The following DOCK4 variants were observed in gnomAD, a reference collection of about 807,000 sequenced individuals.
The protein encoded by DOCK4 is dedicator of cytokinesis 4.
In DOCK4, 97 loss-of-function variants were observed where a neutral mutation model predicts 268.1. The observed-to-expected ratio is 0.36, with a 90% CI of 0.31 to 0.43. DOCK4 has a LOEUF of 0.43. DOCK4 is among the 20% of genes least tolerant of loss of function. The probability of loss-of-function intolerance (pLI) is 1.00; values close to 1 mark genes in which losing one functional copy is unlikely to be tolerated. For missense variants in DOCK4, 2,145 were observed against 2,455.7 expected (o/e 0.87, Z 2.67); for synonymous variants, 954 against 887.2 (o/e 1.08, Z -1.34).
intron 6 of DOCK4, among the ~76,000 whole-genome samples, chr7:111,985,843 A>G (rs992148591): frequency 3.9e-5 from 6 of 152,188 alleles, no homozygotes; most frequent in Non-Finnish European, 8.8e-5. Context: ...TCTGTTTTCC[A>G]TTCTCCATTC....
intron 1 of DOCK4, among the ~76,000 whole-genome samples, chr7:112,166,099 C>T (rs1817589489): frequency 6.6e-6 from 1 of 152,142 alleles, no homozygotes; most frequent in Non-Finnish European, 1.5e-5. Flanking sequence ...AATGCCATAT[C>T]TATAAGAGGC....
chr7:112,059,438 C>A (rs1385134556), intron 1 of DOCK4, among the ~76,000 whole-genome samples: 1 of 152,042 alleles, frequency 6.6e-6, no homozygotes, highest in Non-Finnish European at 1.5e-5. Flanking sequence ...CACCACCCCA[C>A]CCGCGTTTCC....
intron 1 of DOCK4, among the ~76,000 whole-genome samples, chr7:112,131,977 A>G (rs1813850092): frequency 6.6e-6 from 1 of 152,200 alleles, no homozygotes; most frequent in Non-Finnish European, 1.5e-5. Flanking sequence ...GAAAAAAGGG[A>G]TCCCTTCATA....
Position 111,834,628 on chromosome 7 carries a change from T to A in DOCK4, c.2795A>T (p.Gln932Leu). ...TGTATTAAAACTATCAAGAAGCTGT[T>A]GATAATGTCTATCTGTCATTTGTCG... ...LLRQMTDRHY[Q>L]QLLDSFNTKE... Residue 932 changes from glutamine (Q) to leucine (L), a missense_variant, in exon 26 of 53, where the codon CAA (glutamine) becomes CTA (leucine). Gln to Leu is a moderately radical substitution (Grantham distance 113). Around this residue, in one of 2 missense-constraint regions of DOCK4, gnomAD observed 1,598 missense variants for 1,986.7 expected, o/e 0.80. Transcript: ENST00000428084. 3 of 1,559,860 alleles carry A rather than the reference T, an allele frequency of 1.9e-6. No individual in the cohort carries two copies. Among genetic ancestry groups the A allele is most frequent in the Non-Finnish European group, 2.6e-6 (3 of 1,151,050 alleles).
At chr7:111,748,232 A>G (rs920020647) in intron 42 of DOCK4, among the ~76,000 whole-genome samples, 2 of 152,200 alleles carry the variant, frequency 1.3e-5, no homozygotes, top group African/African-American at 4.8e-5. Flanking sequence ...AAGGAAACAA[A>G]TTAGAGTTTT....
At chr7:111,905,431 A>C (rs183199499) in intron 13 of DOCK4, among the ~76,000 whole-genome samples, 23 of 152,302 alleles carry the variant, frequency 1.5e-4, no homozygotes, top group Middle Eastern at 3.4e-3. Context: ...CTTTCAAAAT[A>C]CTACTGTAGA....
At position 111,998,436 on chromosome 7, in the gene DOCK4, C is replaced by T. The variant is rs1274192027; in HGVS notation, c.218+12G>A. ...GAAAATCCTCCAACTACTAATAAAA[C>T]TCATTTCTTACCCTTTGTTCTTTAC... On this transcript the variant is annotated intron_variant, in intron 4 of 52. Coordinates refer to ENST00000428084, the MANE Select transcript of DOCK4 (RefSeq NM_001363540.2). 5 of 1,559,376 alleles carry T rather than the reference C, an allele frequency of 3.2e-6. No homozygotes were observed. The highest frequency in any genetic ancestry group is 1.7e-4 in the Middle Eastern group (1 of 5,924).
intron 8 of DOCK4, among the ~76,000 whole-genome samples, chr7:111,975,043 G>GA (rs1798061153): frequency 1.3e-5 from 2 of 152,186 alleles, no homozygotes; most frequent in South Asian, 4.1e-4. Flanking sequence ...AAGGCGGGGG[G>GA]ATCACTTGAG....
At chr7:112,189,717 TTCTTGTTTTTATTC>T (rs1418504270) in intron 1 of DOCK4, among the ~76,000 whole-genome samples, 2 of 151,576 alleles carry the variant, frequency 1.3e-5, no homozygotes, top group Non-Finnish European at 2.9e-5. Flanking sequence ...CAGCCTAGCC[TTCTTGTTTTTATTC>T]TCTGTCTGGG....
At chr7:111,850,596 T>A (rs1053920961) in intron 23 of DOCK4, among the ~76,000 whole-genome samples, 13 of 152,208 alleles carry the variant, frequency 8.5e-5, no homozygotes, top group South Asian at 4.2e-4. Flanking sequence ...GTGAAATTAG[T>A]CAGTTCCTGC....
chr7:111,928,586 C>CT (rs200976875), intron 12 of DOCK4, among the ~76,000 whole-genome samples: 1,493 of 129,496 alleles, frequency 0.012, 23 homozygotes, highest in African/African-American at 0.032. Context: ...TTTTCTTTTT[C>CT]TTTTTTTTTT....
At chr7:112,173,754 C>T (rs917055835) in intron 1 of DOCK4, among the ~76,000 whole-genome samples, 5 of 152,088 alleles carry the variant, frequency 3.3e-5, no homozygotes, top group Non-Finnish European at 7.4e-5. Flanking sequence ...CCAGCAAAAC[C>T]CCACAGCCAA....
intron 1 of DOCK4, among the ~76,000 whole-genome samples, chr7:112,084,256 C>T (rs1219406358): frequency 6.6e-6 from 1 of 152,206 alleles, no homozygotes; most frequent in Non-Finnish European, 1.5e-5. Context: ...TATGGAGCAA[C>T]AGCTGACTGA....
chr7:112,000,697 G>A (rs1206560003), intron 2 of DOCK4, among the ~76,000 whole-genome samples, 163 bp from the exon 3 acceptor site: 1 of 152,074 alleles, frequency 6.6e-6, no homozygotes, highest in Non-Finnish European at 1.5e-5. Flanking sequence ...TAGCTCGAGT[G>A]ACCAAACATA....
chr7:111,855,840 CTAATA>C (rs1246920080), intron 23 of DOCK4, among the ~76,000 whole-genome samples: 1 of 152,138 alleles, frequency 6.6e-6, no homozygotes, highest in Non-Finnish European at 1.5e-5. Context: ...TATTTCCATC[CTAATA>C]TATTTCTAAT....
chr7:112,131,036 T>C (rs1813747881), intron 1 of DOCK4, among the ~76,000 whole-genome samples: 1 of 152,170 alleles, frequency 6.6e-6, no homozygotes, highest in Non-Finnish European at 1.5e-5. Flanking sequence ...AGGCTGATAA[T>C]AGTGAAAACC....
intron 6 of DOCK4, among the ~76,000 whole-genome samples, chr7:111,987,651 T>C (rs1470419076): frequency 1.3e-5 from 2 of 152,162 alleles, no homozygotes; most frequent in Non-Finnish European, 2.9e-5. Flanking sequence ...GGAGGTGCTG[T>C]GTGTTTTAAA....
chr7:112,105,443 GT>G (rs1811054459), intron 1 of DOCK4, among the ~76,000 whole-genome samples: 1 of 151,800 alleles, frequency 6.6e-6, no homozygotes, highest in East Asian at 1.9e-4. Flanking sequence ...AATATAAGAA[GT>G]TTTTACATCA....
At chr7:111,946,217 T>C (rs1175397629) in intron 8 of DOCK4, among the ~76,000 whole-genome samples, 1 of 152,260 alleles carries the variant, frequency 6.6e-6, no homozygotes, top group African/African-American at 2.4e-5. Flanking sequence ...GAGTGCTAAC[T>C]ATCTATTAGA....
Sources: gnomAD v4.1 joint callset for allele counts (sites outside exome capture counted in the v4.1 genomes callset) on GRCh38, gnomAD v4.1.1 for gene constraint, gnomAD v4.1.1 regional missense constraint, MANE v1.5 for transcripts, NCBI Gene and HGNC (gene_info 2026-07-23, HGNC 2026-07-21) for gene names.